Variants in GUCA1B observed in about 807,000 individuals in gnomAD.
GUCA1B encodes the protein guanylyl cyclase-activating protein 2.
In GUCA1B, 22 loss-of-function variants were observed where a neutral mutation model predicts 24.2. The observed-to-expected ratio is 0.91, with a 90% CI of 0.65 to 1.30. The LOEUF is 1.30. Ranked by LOEUF, GUCA1B falls within the 50% of genes most tolerant of loss-of-function variation. The pLI, the probability that GUCA1B is intolerant of heterozygous loss-of-function variation, is 0.00. For synonymous variants in GUCA1B, 100 were observed against 97.9 expected (o/e 1.02, Z -0.13); for missense variants, 221 against 258.8 (o/e 0.85, Z 1.00).
intron 1 of GUCA1B, among the ~76,000 whole-genome samples, chr6:42,189,169 A>G (rs1768259435): frequency 6.6e-6 from 1 of 152,114 alleles, no homozygotes; most frequent in African/African-American, 2.4e-5. Flanking sequence ...CTCCTCCAGG[A>G]AGCCTTTATT....
Position 42,184,835 on chromosome 6 carries a change from G to A in GUCA1B, c.583C>T (p.Arg195Trp), listed in dbSNP as rs200626867. 7.1e-5 allele frequency: 114 copies of A among 1,614,100 alleles called. No individual in the cohort carries two copies. The highest frequency in any genetic ancestry group is 1.2e-4 in the African/African-American group (9 of 75,042). The change falls in exon 4 of 4, where the codon CGG becomes TGG. Residue 195 changes from arginine to tryptophan, a missense_variant. Physicochemically the swap from Arg to Trp is moderately radical, Grantham distance 101. Transcript: ENST00000230361. ...NPSSWLAQQRRKSAMF is the reference protein window; with the variant it reads ...NPSSWLAQQRWKSAMF ...ACTCCTCAGAACATGGCACTTTTCC[G>A]TCTCTGCTGAGCGAGCCAGCTGCTG...
At chr6:42,194,464 A>G in intron 1 of GUCA1B, 150 bp downstream of exon 1, 2 of 675,874 alleles carry the variant, frequency 3.0e-6, no homozygotes, top group South Asian at 3.2e-5. Context: ...GGGTTTGGTG[A>G]GTGAGACAGA....
chr6:42,185,706 A>C lies in GUCA1B; in HGVS notation c.449T>G (p.Phe150Cys), dbSNP rs531673296. The C allele has an allele frequency of 5.4e-5, 86 of 1,605,054 alleles. No homozygotes were observed. The Admixed American group carries it at 1.1e-3, about 21-fold the overall frequency. ...ATCTCCATTCTCATCCACCAGGAGG[A>C]AGATCCTGTCCACGACCTCCTCGGG... ...LTPEEVVDRIFLLVDENGDGQ... is the reference protein window; with the variant it reads ...LTPEEVVDRICLLVDENGDGQ... Residue 150 changes from phenylalanine (F) to cysteine (C), a missense_variant, in exon 3 of 4, where the codon TTC (phenylalanine) becomes TGC (cysteine). Transcript: ENST00000230361.
At chr6:42,184,992 G>T (rs1477539326) in intron 3 of GUCA1B, 50 bp from the exon 4 acceptor site, 2 of 1,599,204 alleles carry the variant, frequency 1.3e-6, no homozygotes, top group African/African-American at 1.3e-5. Context: ...GGAGACCTGG[G>T]TCTGGGGGCA....
In GUCA1B at chr6:42,184,738, A is replaced by C. The variant is rs771638993; in HGVS notation, c.*77T>G. On this transcript the variant is annotated 3_prime_UTR_variant, in exon 4 of 4. Coordinates refer to ENST00000230361, the MANE Select transcript of GUCA1B (RefSeq NM_002098.6). ...CAACACCAGGGGAAGAGTGGGCATG[A>C]GCAGGCTGAGCCAGGGACCCTCCTA... is the stretch of plus-strand genomic sequence containing the variant. 2 of 1,394,552 alleles carry C rather than the reference A, an allele frequency of 1.4e-6. No individual in the cohort carries two copies. The highest frequency in any genetic ancestry group is 1.7e-5 in the Admixed American group (1 of 59,706). 86.4% of individuals were successfully genotyped at this position (1,394,552 alleles called of 1,614,324 possible).
chr6:42,190,361 A>ATT (rs143865611), intron 1 of GUCA1B, among the ~76,000 whole-genome samples: 1,531 of 122,976 alleles, frequency 0.012, 50 homozygotes, highest in African/African-American at 0.046. Context: ...GTCAACTTCC[A>ATT]TTTTTTTTTT....
intron 2 of GUCA1B, 77 bp from the exon 3 acceptor site, chr6:42,185,874 GCAC>G: frequency 1.2e-6 from 1 of 840,692 alleles, no homozygotes; most frequent in Non-Finnish European, 2.1e-6. Flanking sequence ...ACATCCCCCA[GCAC>G]CACTTCCCCA....
chr6:42,184,265 A>G lies in GUCA1B; in HGVS notation c.*550T>C, dbSNP rs1335427852. 1 of 164,256 alleles carries G rather than the reference A, an allele frequency of 6.1e-6. No homozygotes were observed. The highest frequency in any genetic ancestry group is 2.4e-5 in the African/African-American group (1 of 41,520). The allele number at this position is 164,256 out of a possible 1,614,324, so 10.2% of individuals were successfully genotyped here. A position where few individuals can be genotyped will look rare whatever the true frequency, so the allele number is the denominator to read the frequency against. Reference sequence around the variant, plus strand: ...CCACCTCACCCGGCTGATTTTTTGTATTTTTAGTAGAGACGGGGTTTCACC... The same window carrying G: ...CCACCTCACCCGGCTGATTTTTTGTGTTTTTAGTAGAGACGGGGTTTCACC... On this transcript the variant is annotated 3_prime_UTR_variant, in exon 4 of 4. Coordinates refer to ENST00000230361, the MANE Select transcript of GUCA1B (RefSeq NM_002098.6).
At chr6:42,187,325 C>T (rs539143496) in intron 2 of GUCA1B, among the ~76,000 whole-genome samples, 62 of 151,954 alleles carry the variant, frequency 4.1e-4, no homozygotes, top group African/African-American at 1.1e-3. Flanking sequence ...AGAATGGTCT[C>T]GATCTCCTGA....
intron 2 of GUCA1B, among the ~76,000 whole-genome samples, chr6:42,186,322 G>A (rs1768191898): frequency 6.6e-6 from 1 of 152,220 alleles, no homozygotes; most frequent in South Asian, 2.1e-4. Flanking sequence ...TCTGGGCGCT[G>A]TGGCTCATGC....
intron 3 of GUCA1B, 32 bp downstream of exon 3, chr6:42,185,648 G>C (rs1768179846): frequency 1.6e-6 from 2 of 1,274,040 alleles, no homozygotes; most frequent in Non-Finnish European, 2.3e-6. Context: ...ATGCAGAGTG[G>C]ACAGCACTCT....
rs1768139168 is a variant in GUCA1B, at chr6:42,183,408, C to T, written c.*1407G>A. On this transcript the variant is annotated 3_prime_UTR_variant, in exon 4 of 4. Coordinates refer to ENST00000230361, the MANE Select transcript of GUCA1B (RefSeq NM_002098.6). Reference sequence around the variant, plus strand: ...TTATAGGAGTAACAGTGACCCAGGGCACTGGTTTTCAGTTTGCTTTTTTCA... The same window carrying T: ...TTATAGGAGTAACAGTGACCCAGGGTACTGGTTTTCAGTTTGCTTTTTTCA... Among the ~76,000 whole-genome samples, 1 of 152,128 alleles carries T rather than the reference C, an allele frequency of 6.6e-6. No homozygotes were observed. Among genetic ancestry groups the T allele is most frequent in the Non-Finnish European group, 1.5e-5 (1 of 68,016 alleles).
chr6:42,188,520 C>T (rs1333797461), intron 2 of GUCA1B, 62 bp downstream of exon 2: 5 of 1,556,644 alleles, frequency 3.2e-6, no homozygotes, highest in Non-Finnish European at 4.4e-6. Flanking sequence ...TTGTGGCCAA[C>T]CTTCAGAGCT....
At chr6:42,186,915 A>T (rs1435160374) in intron 2 of GUCA1B, among the ~76,000 whole-genome samples, 1 of 152,164 alleles carries the variant, frequency 6.6e-6, no homozygotes, top group Non-Finnish European at 1.5e-5. Flanking sequence ...TGGCTAACCC[A>T]GGGAACACGC....
intron 1 of GUCA1B, 142 bp from the exon 2 acceptor site, chr6:42,188,873 G>A: frequency 1.5e-6 from 1 of 646,264 alleles, no homozygotes; most frequent in Non-Finnish European, 2.6e-6. Flanking sequence ...CTCCACCCTT[G>A]GGGTAGAGAA....
In GUCA1B at chr6:42,194,912, T is replaced by C; in HGVS notation, c.-92A>G. Reference sequence around the variant, plus strand: ...CTCCAACTAGGGCCCTCTTCCTCCCTTTCCAGGAGGCCTGATCAGCCTCTC... The same window carrying C: ...CTCCAACTAGGGCCCTCTTCCTCCCCTTCCAGGAGGCCTGATCAGCCTCTC... On this transcript the variant is annotated 5_prime_UTR_variant, in exon 1 of 4. Transcript: ENST00000230361. 1.1e-6 allele frequency: 1 copy of C among 896,454 alleles called. No individual in the cohort carries two copies. The highest frequency in any genetic ancestry group is 1.8e-6 in the Non-Finnish European group (1 of 561,248). The allele number at this position is 896,454 out of a possible 1,614,324, so 55.5% of individuals were successfully genotyped here.
At chr6:42,184,987 C>A in intron 3 of GUCA1B, 45 bp from the exon 4 acceptor site, 2 of 1,607,174 alleles carry the variant, frequency 1.2e-6, no homozygotes, top group African/African-American at 1.3e-5. Context: ...GAAGGGGAGA[C>A]CTGGGTCTGG....
intron 1 of GUCA1B, among the ~76,000 whole-genome samples, chr6:42,193,980 ATCT>A (rs1768355194): frequency 3.9e-5 from 6 of 152,222 alleles, no homozygotes; most frequent in Admixed American, 3.9e-4. Flanking sequence ...AAGATGTGTT[ATCT>A]TCTTAGCTGC....
intron 2 of GUCA1B, 25 bp from the exon 3 acceptor site, chr6:42,185,822 T>C (rs757673806): frequency 1.4e-6 from 2 of 1,409,306 alleles, no homozygotes; most frequent in South Asian, 1.1e-5. Context: ...TCAGCTGCAT[T>C]GACGGGAGAC....
Sources: gnomAD v4.1 joint callset for allele counts (sites outside exome capture counted in the v4.1 genomes callset) on GRCh38, gnomAD v4.1.1 for gene constraint, MANE v1.5 for transcripts, NCBI Gene and HGNC (gene_info 2026-07-23, HGNC 2026-07-21) for gene names.